The following ADAMTS17 variants were observed in gnomAD, a reference collection of about 807,000 sequenced individuals.
The protein encoded by ADAMTS17 is ADAM metallopeptidase with thrombospondin type 1 motif 17, also known as A disintegrin and metalloproteinase with thrombospondin motifs 17.
A neutral mutation model predicts 141.5 loss-of-function variants in ADAMTS17; 113 were observed. That is an observed-to-expected ratio of 0.80 (90% CI 0.69 to 0.93). The LOEUF (loss-of-function observed/expected upper bound fraction) is 0.93, where lower values mean the gene tolerates loss of function less well. ADAMTS17 is among the 40% of genes least tolerant of loss of function. The pLI is 0.00. For missense variants in ADAMTS17, 1,659 were observed against 1,517.9 expected (o/e 1.09, Z -1.54); for synonymous variants, 768 against 630.6 (o/e 1.22, Z -3.27).
At chr15:100,228,826 A>T (rs544848747) in intron 7 of ADAMTS17, among the ~76,000 whole-genome samples, 1 of 152,168 alleles carries the variant, frequency 6.6e-6, no homozygotes, top group African/African-American at 2.4e-5. Flanking sequence ...TAGCCCCCCA[A>T]CCCCAGCTCT....
chr15:100,067,896 A>G (rs889256536), intron 15 of ADAMTS17, among the ~76,000 whole-genome samples: 2 of 152,134 alleles, frequency 1.3e-5, no homozygotes, highest in Non-Finnish European at 1.5e-5. Flanking sequence ...GGAGTGTCGG[A>G]AAGTGGGTGC....
intron 2 of ADAMTS17, among the ~76,000 whole-genome samples, chr15:100,335,058 T>C (rs2046168074): frequency 1.3e-5 from 2 of 151,896 alleles, no homozygotes; most frequent in South Asian, 4.1e-4. Context: ...CAGAGTGCCC[T>C]CCCAGGACGG....
rs2060204770 is a variant in ADAMTS17, at chr15:99,971,593, G to C, written c.*2809C>G. The C allele has an allele frequency of 6.6e-6, 1 of 152,062 alleles. No homozygotes were observed. The highest frequency in any genetic ancestry group is 2.4e-5 in the African/African-American group (1 of 41,380). 9.4% of individuals were successfully genotyped at this position (152,062 alleles called of 1,614,324 possible). On this transcript the variant is annotated 3_prime_UTR_variant, in exon 22 of 22. Coordinates refer to ENST00000268070, the MANE Select transcript of ADAMTS17 (RefSeq NM_139057.4). Reference sequence around the variant, plus strand: ...CAAAAAGTAAAACAAAAATTCCATGGGTACAGTATGTAATGCAAGTTAACG... The same window carrying C: ...CAAAAAGTAAAACAAAAATTCCATGCGTACAGTATGTAATGCAAGTTAACG...
intron 8 of ADAMTS17, among the ~76,000 whole-genome samples, chr15:100,167,063 G>T (rs1410787848): frequency 2.6e-5 from 4 of 152,244 alleles, no homozygotes; most frequent in African/African-American, 9.6e-5. Context: ...GCTACTAAGA[G>T]TTTGAAATGT....
chr15:100,004,005 G>T (rs1345277417), intron 18 of ADAMTS17, among the ~76,000 whole-genome samples: 1 of 152,254 alleles, frequency 6.6e-6, no homozygotes, highest in Non-Finnish European at 1.5e-5. Flanking sequence ...CAAATGGTAA[G>T]ATGGTAAATT....
At chr15:100,278,664 G>T (rs990881436) in intron 4 of ADAMTS17, among the ~76,000 whole-genome samples, 1 of 152,184 alleles carries the variant, frequency 6.6e-6, no homozygotes, top group Non-Finnish European at 1.5e-5. Flanking sequence ...GCAGAGAGAG[G>T]CATGTCCCGA....
chr15:100,315,928 G>A (rs984233857), intron 3 of ADAMTS17, among the ~76,000 whole-genome samples: 1 of 152,248 alleles, frequency 6.6e-6, no homozygotes, highest in Non-Finnish European at 1.5e-5. Flanking sequence ...AGAGGCCCTT[G>A]CAGAGCCTAA....
chr15:100,125,001 C>T (rs746620327), intron 12 of ADAMTS17, among the ~76,000 whole-genome samples: 30 of 152,160 alleles, frequency 2.0e-4, no homozygotes, highest in Non-Finnish European at 3.8e-4. Flanking sequence ...AGAAAGATGC[C>T]ACTTTTTATT....
At chr15:100,263,398 A>G (rs2043599393) in intron 4 of ADAMTS17, among the ~76,000 whole-genome samples, 1 of 152,206 alleles carries the variant, frequency 6.6e-6, no homozygotes, top group South Asian at 2.1e-4. Flanking sequence ...TATTCCCTCA[A>G]GTCCCATTGT....
intron 8 of ADAMTS17, among the ~76,000 whole-genome samples, chr15:100,168,934 A>G (rs555292981): frequency 2.0e-5 from 3 of 152,304 alleles, no homozygotes; most frequent in African/African-American, 7.2e-5. Context: ...TTTTAACATC[A>G]TCTGCCTTAG....
At chr15:100,073,258 A>G (rs1326656961) in intron 15 of ADAMTS17, among the ~76,000 whole-genome samples, 1 of 152,180 alleles carries the variant, frequency 6.6e-6, no homozygotes, top group Non-Finnish European at 1.5e-5. Context: ...AAAAGTCAGG[A>G]AACAACAGGT....
intron 15 of ADAMTS17, among the ~76,000 whole-genome samples, chr15:100,064,901 C>T (rs75860644): frequency 4.6e-5 from 7 of 152,206 alleles, no homozygotes; most frequent in African/African-American, 1.2e-4. Flanking sequence ...TTTGTTTCTG[C>T]GATTCAGATG....
chr15:100,060,897 G>T (rs1344049082), intron 15 of ADAMTS17, among the ~76,000 whole-genome samples: 1 of 152,208 alleles, frequency 6.6e-6, no homozygotes, highest in Non-Finnish European at 1.5e-5. Flanking sequence ...AAAGCACCCA[G>T]CCCCGAGTGG....
chr15:100,131,366 G>GA (rs11398544), intron 12 of ADAMTS17, among the ~76,000 whole-genome samples: 113,264 of 127,734 alleles, frequency 0.89, 50,645 homozygotes, highest in Non-Finnish European at 0.96. Context: ...CTTAAAGTAT[G>GA]AAAAAAAAAA....
chr15:100,209,603 A>T (rs201258022), intron 7 of ADAMTS17, among the ~76,000 whole-genome samples: 4 of 53,766 alleles, frequency 7.4e-5, no homozygotes, highest in African/African-American at 3.5e-4. Flanking sequence ...ACATTTTATT[A>T]AAAAAAAAAA....
At chr15:100,277,266 C>G (rs757944251) in intron 4 of ADAMTS17, among the ~76,000 whole-genome samples, 1 of 152,014 alleles carries the variant, frequency 6.6e-6, no homozygotes, top group Non-Finnish European at 1.5e-5. Context: ...TTAGTACAAG[C>G]AGCTGAAGAG....
intron 7 of ADAMTS17, among the ~76,000 whole-genome samples, chr15:100,211,563 G>C (rs920572416): frequency 6.6e-6 from 1 of 152,092 alleles, no homozygotes; most frequent in Non-Finnish European, 1.5e-5. Flanking sequence ...TGTTCCTAGA[G>C]TAGCAAAGAA....
At chr15:100,017,285 A>G (rs1283726500) in intron 18 of ADAMTS17, among the ~76,000 whole-genome samples, 1 of 152,190 alleles carries the variant, frequency 6.6e-6, no homozygotes, top group Non-Finnish European at 1.5e-5. Flanking sequence ...GCCCCAGGCT[A>G]TCTGCCTCCC....
intron 12 of ADAMTS17, among the ~76,000 whole-genome samples, chr15:100,119,290 A>G (rs1353072019): frequency 6.6e-6 from 1 of 152,160 alleles, no homozygotes. Context: ...AAACTAAGGA[A>G]CCGGACGACA....
Sources: allele counts gnomAD v4.1 joint callset (sites outside exome capture counted in the v4.1 genomes callset), GRCh38; gene constraint gnomAD v4.1.1; transcripts MANE v1.5; gene names NCBI Gene and HGNC (gene_info 2026-07-23, HGNC 2026-07-21).